Variants in ADORA3 observed in about 807,000 individuals in gnomAD.
ADORA3 encodes the protein adenosine receptor A3.
A neutral mutation model predicts 5.7 loss-of-function variants in ADORA3; 3 were observed. The observed-to-expected ratio is 0.52, with a 90% CI of 0.24 to 1.35. ADORA3 has a LOEUF of 1.35. Among genes scored for constraint, ADORA3 ranks in the 40% most tolerant of loss-of-function variants. ADORA3 has a pLI of 0.17. For missense variants in ADORA3, 343 were observed against 389.0 expected (o/e 0.88, Z 0.99); for synonymous variants, 168 against 152.3 (o/e 1.10, Z -0.76).
In ADORA3 at chr1:111,503,254, A is replaced by T. The variant is rs1655346301; in HGVS notation, c.101T>A (p.Ile34Asn). The change falls in exon 1 of 2, where the codon ATC (isoleucine) becomes AAC (asparagine). Residue 34 changes from isoleucine to asparagine, a missense_variant. Transcript: ENST00000241356. ...GCTGGGGTTCAGCTTGACCACGCAG[A>T]TGACCAGCACGTTGCCCACTATGGC... ...LCAIVGNVLV[I>N]CVVKLNPSLQ... 2 of 1,614,250 alleles carry T rather than the reference A, an allele frequency of 1.2e-6. No homozygotes were observed. The highest frequency in any genetic ancestry group is 1.7e-5 in the Admixed American group (1 of 60,018).
chr1:111,500,051 T>A lies in ADORA3; in HGVS notation c.856A>T (p.Ile286Leu). The A allele has an allele frequency of 6.2e-7, 1 of 1,614,234 alleles. No individual in the cohort carries two copies. The highest frequency in any genetic ancestry group is 8.5e-7 in the Non-Finnish European group (1 of 1,180,038). The stretch of plus-strand genomic sequence containing the variant: ...AGGTAGGTTTCCTTGAACTTCTTTA[T>A]TTTATAGGCATAGACGATAGGGTTC... ...MMNPIVYAYK[I>L]KKFKETYLLI... Residue 286 changes from isoleucine (I) to leucine (L), a missense_variant, in exon 2 of 2, where the codon ATA becomes TTA. Transcript: ENST00000241356.
Position 111,503,042 on chromosome 1 carries a change from C to T in ADORA3, c.313G>A (p.Ala105Thr), listed in dbSNP as rs746154553. 4.3e-6 allele frequency: 7 copies of T among 1,614,038 alleles called. No homozygotes were observed. Among genetic ancestry groups the T allele is most frequent in the Middle Eastern group, 1.6e-4 (1 of 6,082 alleles). The part of the protein sequence containing the change: ...HASIMSLLAI[A>T]VDRYLRVKLT... ...TTGACCCGCAAGTATCGGTCCACAG[C>T]GATGGCCAGCAAGGACATGATGGAG... Residue 105 changes from alanine (A) to threonine (T), a missense_variant, in exon 1 of 2, where the codon GCT becomes ACT. Transcript: ENST00000241356.
chr1:111,502,173 TAA>T (rs72278275), intron 1 of ADORA3, among the ~76,000 whole-genome samples: 37,639 of 81,970 alleles, frequency 0.46, 12,025 homozygotes, highest in Admixed American at 0.56. Context: ...TTTATTATAA[TAA>T]ATATATAGGA....
At chr1:111,500,859 C>G in intron 1 of ADORA3, 1 of 483,368 alleles carries the variant, frequency 2.1e-6, no homozygotes, top group Non-Finnish European at 3.6e-6. Context: ...CAAGTGCTTA[C>G]GTGCTCCACT....
At chr1:111,500,856 T>A in intron 1 of ADORA3, 3 of 488,164 alleles carry the variant, frequency 6.1e-6, no homozygotes, top group East Asian at 3.0e-5. Flanking sequence ...AGTCAAGTGC[T>A]TACGTGCTCC....
At chr1:111,500,588 A>G (rs1203368621) in intron 1 of ADORA3, 32 bp from the exon 2 acceptor site, 1 of 1,603,302 alleles carries the variant, frequency 6.2e-7, no homozygotes, top group Non-Finnish European at 8.5e-7. Flanking sequence ...GTGAGTCCAC[A>G]GCAGTAATTG....
chr1:111,501,313 G>A (rs984895426), intron 1 of ADORA3: 1 of 152,256 alleles, frequency 6.6e-6, no homozygotes. Context: ...AGGACAGTAA[G>A]AGTAAGAGTC....
At chr1:111,501,179 G>T (rs1000177935) in intron 1 of ADORA3, 16 of 152,384 alleles carry the variant, frequency 1.0e-4, no homozygotes, top group Non-Finnish European at 1.5e-5. Context: ...ATGCCTCCCC[G>T]ACACTTCCCC....
At chr1:111,502,933 G>C in intron 1 of ADORA3, 72 bp downstream of exon 1, 6 of 1,554,452 alleles carry the variant, frequency 3.9e-6, no homozygotes, top group South Asian at 1.2e-5. Context: ...TACTCAAAAA[G>C]TCTGGGCTCT....
chr1:111,499,650 A>T lies in ADORA3; in HGVS notation c.*300T>A. The T allele has an allele frequency of 8.6e-7, 1 of 1,164,224 alleles. No individual in the cohort carries two copies. Among genetic ancestry groups the T allele is most frequent in the Non-Finnish European group, 1.1e-6 (1 of 936,326 alleles). The allele number at this position is 1,164,224 out of a possible 1,614,324, so 72.1% of individuals were successfully genotyped here. A position where few individuals can be genotyped will look rare whatever the true frequency, so the allele number is the denominator to read the frequency against. ...TCAGTAAGTCAACTAGGCACCCTTC[A>T]GGCTCCATGACTTATTCTTCTATTG... On this transcript the variant is annotated 3_prime_UTR_variant, in exon 2 of 2. Transcript: ENST00000241356.
chr1:111,502,133 ATT>A lies in ADORA3; in HGVS notation c.350+870_350+871del, dbSNP rs1483376368. ...AATATAATAAATATATAGGATATAT[ATT>A]TAATATAATAAATATATAGGATATA... On this transcript the variant is annotated intron_variant, in intron 1 of 1. Coordinates refer to ENST00000241356, the MANE Select transcript of ADORA3 (RefSeq NM_000677.4). Among the ~76,000 whole-genome samples the A allele has an allele frequency of 5.9e-5, 6 of 101,124 alleles. No homozygotes were observed. The East Asian group carries it at 7.8e-4, about 13-fold the overall frequency. The allele number at this position is 101,124 out of a possible 152,430, so 66.3% of individuals were successfully genotyped here.
At chr1:111,500,802 C>A in intron 1 of ADORA3, 1 of 549,058 alleles carries the variant, frequency 1.8e-6, no homozygotes, top group Non-Finnish European at 3.2e-6. Flanking sequence ...GGGGACTTTT[C>A]TAAAGAAGAA....
rs147238368 is a variant in ADORA3 at position 111,500,073 on chromosome 1, G to T, written c.834C>A (p.Asn278Lys). 1 of 1,614,214 alleles carries T rather than the reference G, an allele frequency of 6.2e-7. No individual in the cohort carries two copies. Among genetic ancestry groups the T allele is most frequent in the Non-Finnish European group, 8.5e-7 (1 of 1,180,040 alleles). ...TTATTTTATAGGCATAGACGATAGG[G>T]TTCATCATGGAGTTGGCATGGGACA... Reference protein sequence around the residue: ...ILLSHANSMMNPIVYAYKIKK... With the variant: ...ILLSHANSMMKPIVYAYKIKK... The change falls in exon 2 of 2, where the codon AAC becomes AAA. Residue 278 changes from asparagine (N) to lysine (K), a missense_variant. Coordinates refer to ENST00000241356, the MANE Select transcript of ADORA3 (RefSeq NM_000677.4).
chr1:111,500,649 T>C, intron 1 of ADORA3, 93 bp from the exon 2 acceptor site: 2 of 1,182,790 alleles, frequency 1.7e-6, no homozygotes, highest in Non-Finnish European at 1.2e-6. Context: ...AGAGGTGAGA[T>C]AAGGCATATA....
At chr1:111,502,906 C>T in intron 1 of ADORA3, 99 bp downstream of exon 1, 1 of 1,451,808 alleles carries the variant, frequency 6.9e-7, no homozygotes, top group Non-Finnish European at 9.3e-7. Context: ...CATCAAGGGC[C>T]AATTTGGATA....
chr1:111,500,332 A>G lies in ADORA3; in HGVS notation c.575T>C (p.Val192Ala). ...GATGTCAAGATAGATGGCGCACATG[A>G]CAACCAGGGGGATGAAAATCCAGGT... ...FLTWIFIPLVVMCAIYLDIFY... is the reference protein window; with the variant it reads ...FLTWIFIPLVAMCAIYLDIFY... The change falls in exon 2 of 2, where the codon GTC becomes GCC. Residue 192 changes from valine to alanine, a missense_variant. Coordinates refer to ENST00000241356, the MANE Select transcript of ADORA3 (RefSeq NM_000677.4). The G allele has an allele frequency of 6.2e-7, 1 of 1,614,260 alleles. No individual in the cohort carries two copies. The highest frequency in any genetic ancestry group is 1.1e-5 in the South Asian group (1 of 91,082).
At position 111,503,144 on chromosome 1, in the gene ADORA3, C is replaced by T. The variant is rs371392537; in HGVS notation, c.211G>A (p.Val71Ile). ...TGGATTGTGATGCCCAGGCTGACAA[C>T]AATGGCCAAAGGCATGACCAGCACC... Reference protein sequence around the residue: ...VGVLVMPLAIVVSLGITIHFY... With the variant: ...VGVLVMPLAIIVSLGITIHFY... Residue 71 changes from valine (V) to isoleucine (I), a missense_variant, in exon 1 of 2, where the codon GTT becomes ATT. By Grantham distance (29) the Val-to-Ile change is conservative. Coordinates refer to ENST00000241356, the MANE Select transcript of ADORA3 (RefSeq NM_000677.4). 6.2e-7 allele frequency: 1 copy of T among 1,614,186 alleles called. No homozygotes were observed.
At chr1:111,500,865 C>CTA in intron 1 of ADORA3, 5 of 465,476 alleles carry the variant, frequency 1.1e-5, no homozygotes, top group South Asian at 1.2e-4. Flanking sequence ...CTTACGTGCT[C>CTA]CACTCAGGGC....
rs750959746 is a variant in ADORA3, at chr1:111,503,335, G to A, written c.20C>T (p.Ala7Val). The change falls in exon 1 of 2, where the codon GCT becomes GTT. Residue 7 changes from alanine to valine, a missense_variant. By Grantham distance (64) the Ala-to-Val change is moderately conservative. Coordinates refer to ENST00000241356, the MANE Select transcript of ADORA3 (RefSeq NM_000677.4). MPNNST[A>V]LSLANVTYIT... Reference sequence around the variant, plus strand: ...GTAGGTAACATTGGCCAATGACAGAGCAGTGCTGTTGTTGGGCATCTTGCC... The same window carrying A: ...GTAGGTAACATTGGCCAATGACAGAACAGTGCTGTTGTTGGGCATCTTGCC... 1.2e-6 allele frequency: 2 copies of A among 1,613,054 alleles called. No homozygotes were observed. The highest frequency in any genetic ancestry group is 2.2e-5 in the East Asian group (1 of 44,872).
Sources: gnomAD v4.1 joint callset for allele counts (sites outside exome capture counted in the v4.1 genomes callset) on GRCh38, gnomAD v4.1.1 for gene constraint, MANE v1.5 for transcripts, NCBI Gene and HGNC (gene_info 2026-07-23, HGNC 2026-07-21) for gene names.